The following SPATA6L variants were observed in gnomAD, a reference collection of about 807,000 sequenced individuals.
The protein encoded by SPATA6L is spermatogenesis associated 6-like protein.
SPATA6L carries 68 observed loss-of-function variants against 49.2 expected under a neutral mutation model. The ratio of observed to expected loss-of-function variants is 1.38; its 90% confidence interval spans 1.14 to 1.69. SPATA6L has a LOEUF of 1.69. Among genes scored for constraint, SPATA6L ranks in the 40% most tolerant of loss-of-function variants. The probability of loss-of-function intolerance (pLI) is 0.00; values close to 1 mark genes in which losing one functional copy is unlikely to be tolerated. For synonymous variants in SPATA6L, 198 were observed against 165.7 expected (o/e 1.19, Z -1.50); for missense variants, 668 against 464.3 (o/e 1.44, Z -4.03).
At chr9:4,649,702 C>A (rs543692189) in intron 3 of SPATA6L, among the ~76,000 whole-genome samples, 1 of 152,150 alleles carries the variant, frequency 6.6e-6, no homozygotes, top group Non-Finnish European at 1.5e-5. Context: ...CTTTTAATTG[C>A]CTTCTGGAAT....
chr9:4,603,949 T>C (rs1824028327), intron 11 of SPATA6L, among the ~76,000 whole-genome samples: 1 of 151,970 alleles, frequency 6.6e-6, no homozygotes. Context: ...AGATAAAGGG[T>C]GATGTTGCGG....
intron 1 of SPATA6L, chr9:4,663,016 A>G (rs1840240339): frequency 1.2e-6 from 2 of 1,613,598 alleles, no homozygotes; most frequent in Non-Finnish European, 1.7e-6. Context: ...CCCTCGGGCC[A>G]TGCCACAAGG....
At position 4,656,057 on chromosome 9, in the gene SPATA6L, T is replaced by C. The variant is rs775172731; in HGVS notation, c.210A>G (p.Val70=). 1.2e-6 allele frequency: 2 copies of C among 1,612,882 alleles called. No individual in the cohort carries two copies. Among genetic ancestry groups the C allele is most frequent in the African/African-American group, 1.3e-5 (1 of 74,912 alleles). The change falls in exon 3 of 12, where the codon GTA becomes GTG. Residue 70 remains valine, a synonymous_variant. Transcript: ENST00000682582. ...AGTACCTACTTTCCAAAAGGTCTAC[T>C]ACAGCTCCAGGATCTACTGCACTTT... ...VFESAVDPGA[V]VDLLEMWDEL...
intron 9 of SPATA6L, among the ~76,000 whole-genome samples, chr9:4,612,283 G>C (rs896878558): frequency 6.6e-6 from 1 of 152,006 alleles, no homozygotes; most frequent in Admixed American, 6.6e-5. Flanking sequence ...CTCCAATCCT[G>C]GTTGTTTCCT....
At position 4,604,271 on chromosome 9, in the gene SPATA6L, T is replaced by G. The variant is rs1824142550; in HGVS notation, c.1090-2A>C. ...ATTTACTTCAGAGGTAGAATCTTCC[T>G]ACAATAAAAACAAATCCAGCAATTA... On this transcript the variant is annotated splice_acceptor_variant, in intron 10 of 11. Coordinates refer to ENST00000682582, the MANE Select transcript of SPATA6L (RefSeq NM_001353486.2). LOFTEE classifies it high-confidence loss of function. 1 of 1,592,804 alleles carries G rather than the reference T, an allele frequency of 6.3e-7. No homozygotes were observed. The highest frequency in any genetic ancestry group is 8.6e-7 in the Non-Finnish European group (1 of 1,161,972).
chr9:4,599,848 A>ATATATAGT lies in SPATA6L; in HGVS notation c.*962_*963insACTATATA, dbSNP rs1204713368. On this transcript the variant is annotated 3_prime_UTR_variant, in exon 12 of 12. Coordinates refer to ENST00000682582, the MANE Select transcript of SPATA6L (RefSeq NM_001353486.2). The stretch of plus-strand genomic sequence containing the variant: ...GGGACACAAACATTCACACTATAGT[A>ATATATAGT]GGGCTGGTAGAGGAAAATGCTATGC... Among the ~76,000 whole-genome samples, 10 of 152,332 alleles carry ATATATAGT rather than the reference A, an allele frequency of 6.6e-5. No homozygotes were observed. The East Asian group carries it at 1.9e-3, about 29-fold the overall frequency.
chr9:4,625,095 A>G, intron 6 of SPATA6L: 1 of 612,856 alleles, frequency 1.6e-6, no homozygotes, highest in South Asian at 3.3e-5. Flanking sequence ...AAAAATTAAA[A>G]ATAGGGATGG....
At chr9:4,635,944 C>G (rs1272034382) in intron 3 of SPATA6L, among the ~76,000 whole-genome samples, 1 of 152,160 alleles carries the variant, frequency 6.6e-6, no homozygotes, top group East Asian at 1.9e-4. Flanking sequence ...CTGCAGTGCT[C>G]AAGACACTCA....
intron 3 of SPATA6L, among the ~76,000 whole-genome samples, chr9:4,652,387 CAAACAA>C (rs1400440355): frequency 6.6e-6 from 1 of 151,910 alleles, no homozygotes; most frequent in Admixed American, 6.6e-5. Context: ...AACTCTGTCT[CAAACAA>C]AAACAAAAAC....
chr9:4,645,153 A>T (rs1366593303), intron 3 of SPATA6L, among the ~76,000 whole-genome samples: 1 of 152,254 alleles, frequency 6.6e-6, no homozygotes, highest in Non-Finnish European at 1.5e-5. Context: ...TAAAAATGTA[A>T]AAACCAAAAA....
chr9:4,632,224 T>G (rs1285555218), intron 4 of SPATA6L, among the ~76,000 whole-genome samples: 2 of 151,446 alleles, frequency 1.3e-5, no homozygotes, highest in Non-Finnish European at 2.9e-5. Context: ...TTCACTGTGC[T>G]GGCCAGGCTG....
chr9:4,609,461 T>C lies in SPATA6L; in HGVS notation c.996-4021A>G, dbSNP rs545078565. Among the ~76,000 whole-genome samples the C allele has an allele frequency of 1.3e-3, 205 of 152,348 alleles. 2 individuals are homozygous for C. The highest frequency in any genetic ancestry group is 2.2e-3 in the Non-Finnish European group (150 of 68,032). ...GCTTAACCACCATGATCAAGTGGGCTTCATCCCTGGGATGCAAGGCTAGTT... is the reference window on the plus strand; with the variant it reads ...GCTTAACCACCATGATCAAGTGGGCCTCATCCCTGGGATGCAAGGCTAGTT... On this transcript the variant is annotated intron_variant, in intron 9 of 11. Coordinates refer to ENST00000682582, the MANE Select transcript of SPATA6L (RefSeq NM_001353486.2).
In SPATA6L at chr9:4,662,547, C is replaced by A; in HGVS notation, c.40-511G>T. 2 of 1,573,168 alleles carry A rather than the reference C, an allele frequency of 1.3e-6. No individual in the cohort carries two copies. Among genetic ancestry groups the A allele is most frequent in the East Asian group, 2.3e-5 (1 of 44,332 alleles). Reference sequence around the variant, plus strand: ...GGCCGTGGACCCCACCTGCGCCCGGCTCCGTGCATCGGAGAGCCCAGTTCA... The same window carrying A: ...GGCCGTGGACCCCACCTGCGCCCGGATCCGTGCATCGGAGAGCCCAGTTCA... On this transcript the variant is annotated intron_variant, in intron 1 of 11. Transcript: ENST00000682582. This position sits in a 1 kb window ranked among gnomAD's most constrained non-coding sequence, Gnocchi z 4.9.
chr9:4,597,391 T>G (rs1049026648), downstream of SPATA6L, among the ~76,000 whole-genome samples: 1 of 147,156 alleles, frequency 6.8e-6, no homozygotes, highest in African/African-American at 2.5e-5. Context: ...GGGGGTGAGG[T>G]GGGCGGAGCT....
Position 4,600,227 on chromosome 9 carries a change from T to G in SPATA6L, c.*584A>C, listed in dbSNP as rs1248851229. 6.6e-6 allele frequency among the ~76,000 whole-genome samples: 1 copy of G among 152,082 alleles called. No homozygotes were observed. The highest frequency in any genetic ancestry group is 1.5e-5 in the Non-Finnish European group (1 of 68,008). On this transcript the variant is annotated 3_prime_UTR_variant, in exon 12 of 12. Coordinates refer to ENST00000682582, the MANE Select transcript of SPATA6L (RefSeq NM_001353486.2). ...GAGGAGCCAGCCTCCTCTTACAAATTTATCACAGACATTCAACATCTAAAA... is the reference window on the plus strand; with the variant it reads ...GAGGAGCCAGCCTCCTCTTACAAATGTATCACAGACATTCAACATCTAAAA...
At chr9:4,635,171 A>G in intron 4 of SPATA6L, 104 bp downstream of exon 4, 2 of 1,250,392 alleles carry the variant, frequency 1.6e-6, no homozygotes, top group Non-Finnish European at 1.1e-6. Context: ...ACAGAACAGC[A>G]GGGGTACTAA....
intron 6 of SPATA6L, among the ~76,000 whole-genome samples, chr9:4,622,992 T>C (rs1193278038): frequency 6.6e-6 from 1 of 151,530 alleles, no homozygotes; most frequent in African/African-American, 2.4e-5. Flanking sequence ...AGAATAAGGG[T>C]AGCTAGGCCG....
intron 6 of SPATA6L, among the ~76,000 whole-genome samples, chr9:4,623,858 C>A (rs879394603): frequency 2.7e-4 from 41 of 152,218 alleles, no homozygotes; most frequent in Middle Eastern, 3.4e-3. Context: ...TAAATGAAGT[C>A]AATTCGATAT....
chr9:4,631,559 TA>T (rs1329026681), intron 4 of SPATA6L, among the ~76,000 whole-genome samples: 1 of 151,730 alleles, frequency 6.6e-6, no homozygotes, highest in South Asian at 2.1e-4. Flanking sequence ...CACCAGGAAA[TA>T]AAAAATACCA....
Sources: gnomAD v4.1 joint callset for allele counts (sites outside exome capture counted in the v4.1 genomes callset) on GRCh38, gnomAD v4.1.1 for gene constraint, Gnocchi (gnomAD v3.1) non-coding constraint, MANE v1.5 for transcripts, NCBI Gene and HGNC (gene_info 2026-07-23, HGNC 2026-07-21) for gene names.